Variants in LRRIQ3 observed in about 807,000 individuals in gnomAD.
The protein encoded by LRRIQ3 is leucine rich repeats and IQ motif containing 3.
A neutral mutation model predicts 59.3 loss-of-function variants in LRRIQ3; 75 were observed. That is an observed-to-expected ratio of 1.26 (90% CI 1.05 to 1.53). The LOEUF (loss-of-function observed/expected upper bound fraction) is 1.53, where lower values mean the gene tolerates loss of function less well. Among genes scored for constraint, LRRIQ3 ranks in the 40% most tolerant of loss-of-function variants. The pLI is 0.00. For missense variants in LRRIQ3, 831 were observed against 710.0 expected (o/e 1.17, Z -1.94); for synonymous variants, 250 against 231.3 (o/e 1.08, Z -0.73).
intron 7 of LRRIQ3, among the ~76,000 whole-genome samples, chr1:74,033,300 G>T (rs1653774339): frequency 6.6e-6 from 1 of 151,976 alleles, no homozygotes; most frequent in South Asian, 2.1e-4. Flanking sequence ...GCAATGAAAT[G>T]AAAGAACTTT....
At chr1:74,145,184 T>C (rs1647491146) in intron 4 of LRRIQ3, among the ~76,000 whole-genome samples, 1 of 152,132 alleles carries the variant, frequency 6.6e-6, no homozygotes, top group African/African-American at 2.4e-5. Context: ...GCCACAGTCA[T>C]ATGACTTAGC....
chr1:74,157,932 T>A lies in LRRIQ3; in HGVS notation c.574-2066A>T, dbSNP rs558868531. ...ACTGATATCTAACTAAATACAACTTTCCCAAATATGAATTTTCTTTCCCAA... is the reference window on the plus strand; with the variant it reads ...ACTGATATCTAACTAAATACAACTTACCCAAATATGAATTTTCTTTCCCAA... On this transcript the variant is annotated intron_variant, in intron 3 of 7. Coordinates refer to ENST00000354431, the MANE Select transcript of LRRIQ3 (RefSeq NM_001105659.2). 2.2e-4 allele frequency among the ~76,000 whole-genome samples: 33 copies of A among 152,208 alleles called. No homozygotes were observed. The South Asian group carries it at 6.6e-3, about 31-fold the overall frequency.
In LRRIQ3 at chr1:74,174,075, C is replaced by T. The variant is rs79800706; in HGVS notation, c.573+8463G>A. ...TCCATTTCTTTCTCCAGATTTGTGA[C>T]GTGTTCAGTCATTATTTTATACACT... On this transcript the variant is annotated intron_variant, in intron 3 of 7. Transcript: ENST00000354431. Among the ~76,000 whole-genome samples the T allele has an allele frequency of 5.0e-3, 767 of 152,128 alleles. 7 individuals carry two copies. The highest frequency in any genetic ancestry group is 0.017 in the African/African-American group (715 of 41,522).
intron 6 of LRRIQ3, among the ~76,000 whole-genome samples, chr1:74,057,372 C>A (rs1216791307): frequency 6.6e-6 from 1 of 151,850 alleles, no homozygotes; most frequent in Non-Finnish European, 1.5e-5. Context: ...GTAACCAAAG[C>A]AGAATGGTAC....
In LRRIQ3 at chr1:74,114,831, CAATA is replaced by C. The variant is rs1422480470; in HGVS notation, c.708-5282_708-5279del. Among the ~76,000 whole-genome samples the C allele has an allele frequency of 2.0e-5, 3 of 149,366 alleles. No homozygotes were observed. The South Asian group carries it at 6.5e-4, about 32-fold the overall frequency. On this transcript the variant is annotated intron_variant, in intron 4 of 7. Transcript: ENST00000354431. Reference sequence around the variant, plus strand: ...TGTTAAGCTATAAAATATTCACTAACAATAAAAGCTGTAAAAGAAGAGAGGAACA... The same window carrying C: ...TGTTAAGCTATAAAATATTCACTAACAAAGCTGTAAAAGAAGAGAGGAACA...
chr1:74,182,247 T>G (rs182048339), intron 3 of LRRIQ3: 213 of 172,228 alleles, frequency 1.2e-3, no homozygotes, highest in Middle Eastern at 0.01. Flanking sequence ...CTCAATGGAG[T>G]CTTTCATATA....
intron 7 of LRRIQ3, among the ~76,000 whole-genome samples, chr1:74,030,630 A>G (rs1653676304): frequency 6.6e-6 from 1 of 152,186 alleles, no homozygotes; most frequent in Non-Finnish European, 1.5e-5. Flanking sequence ...TTAAAGACTT[A>G]AATGTTAGAC....
At chr1:74,083,215 A>G (rs952300728) in intron 5 of LRRIQ3, 2 of 151,754 alleles carry the variant, frequency 1.3e-5, no homozygotes, top group Non-Finnish European at 3.0e-5. Flanking sequence ...CTACAGCCTC[A>G]GTACAAATCT....
chr1:74,169,679 A>G (rs544008196), intron 3 of LRRIQ3, among the ~76,000 whole-genome samples: 19 of 152,036 alleles, frequency 1.2e-4, no homozygotes, highest in Admixed American at 2.6e-4. Context: ...AGCCTCCCAA[A>G]TAGCTGAGAC....
In LRRIQ3 at chr1:74,041,493, G is replaced by T. The variant is rs763939474; in HGVS notation, c.1438C>A (p.Gln480Lys). 47 of 1,612,010 alleles carry T rather than the reference G, an allele frequency of 2.9e-5. No homozygotes were observed. The highest frequency in any genetic ancestry group is 2.5e-6 in the Non-Finnish European group (3 of 1,179,540). Residue 480 changes from glutamine (Q) to lysine (K), a missense_variant, in exon 7 of 8, where the codon CAG becomes AAG. Coordinates refer to ENST00000354431, the MANE Select transcript of LRRIQ3 (RefSeq NM_001105659.2). ...TGCCAAACTTGTCGTAAACTGTTCT[G>T]AATTGTCTCTTTATTTTCTTCAATT... ...KLIEENKETIQNSLRQVWQNR... is the reference protein window; with the variant it reads ...KLIEENKETIKNSLRQVWQNR...
At chr1:74,138,009 TGCAGCAAACCACCA>T (rs1285725643) in intron 4 of LRRIQ3, among the ~76,000 whole-genome samples, 1 of 151,546 alleles carries the variant, frequency 6.6e-6, no homozygotes, top group Non-Finnish European at 1.5e-5. Context: ...GGTTGGTGGG[TGCAGCAAACCACCA>T]TGGCACGTGT....
At chr1:74,159,528 C>G (rs146066018) in intron 3 of LRRIQ3, among the ~76,000 whole-genome samples, 1,687 of 152,220 alleles carry the variant, frequency 0.011, 36 homozygotes, top group African/African-American at 0.039. Flanking sequence ...CACTCTTTTT[C>G]TCCCTTTTAA....
At chr1:74,138,515 CA>C (rs1647167424) in intron 4 of LRRIQ3, 2 of 984,170 alleles carry the variant, frequency 2.0e-6, no homozygotes, top group African/African-American at 3.5e-5. Context: ...TCTGTTGTCT[CA>C]ATATGAGAAA....
intron 3 of LRRIQ3, among the ~76,000 whole-genome samples, chr1:74,170,476 T>C (rs1230823117): frequency 6.6e-6 from 1 of 152,150 alleles, no homozygotes; most frequent in Middle Eastern, 3.2e-3. Context: ...GTTGAACATA[T>C]ATCCATGGGT....
intron 6 of LRRIQ3, among the ~76,000 whole-genome samples, chr1:74,067,417 A>C (rs1341859960): frequency 6.6e-6 from 1 of 152,106 alleles, no homozygotes; most frequent in African/African-American, 2.4e-5. Flanking sequence ...ATGTGTGGAG[A>C]ATTACGGAAT....
chr1:74,154,240 C>CAAAAAAAAAA lies in LRRIQ3; in HGVS notation c.707+1483_707+1492dup, dbSNP rs71078186. ...TGGGCGACAGAGCGAGACTCCTTCT[C>CAAAAAAAAAA]AAAAAAAAAAAAAAAAAAAAAAAAA... On this transcript the variant is annotated intron_variant, in intron 4 of 7. Transcript: ENST00000354431. Among the ~76,000 whole-genome samples, 76 of 57,274 alleles carry CAAAAAAAAAA rather than the reference C, an allele frequency of 1.3e-3. 8 individuals are homozygous for CAAAAAAAAAA. The highest frequency in any genetic ancestry group is 0.014 in the Middle Eastern group (1 of 70). The allele number at this position is 57,274 out of a possible 152,430, so 37.6% of individuals were successfully genotyped here.
chr1:74,094,014 G>T (rs113801587), intron 5 of LRRIQ3, among the ~76,000 whole-genome samples: 1 of 152,102 alleles, frequency 6.6e-6, no homozygotes, highest in East Asian at 1.9e-4. Flanking sequence ...CCAAGGTAAA[G>T]GTTCCAGCTG....
At chr1:74,058,682 T>C (rs1654611691) in intron 6 of LRRIQ3, among the ~76,000 whole-genome samples, 1 of 151,954 alleles carries the variant, frequency 6.6e-6, no homozygotes, top group African/African-American at 2.4e-5. Flanking sequence ...CAACAACAAT[T>C]TGTTGCATGT....
chr1:74,140,189 G>T (rs562086382), intron 4 of LRRIQ3, among the ~76,000 whole-genome samples: 1 of 151,716 alleles, frequency 6.6e-6, no homozygotes, highest in Non-Finnish European at 1.5e-5. Flanking sequence ...TAGATAGACA[G>T]ATAAAGATAA....
Sources: allele counts gnomAD v4.1 joint callset (sites outside exome capture counted in the v4.1 genomes callset), GRCh38; gene constraint gnomAD v4.1.1; transcripts MANE v1.5; gene names NCBI Gene and HGNC (gene_info 2026-07-23, HGNC 2026-07-21).